The following CDKAL1 variants were observed in gnomAD, a reference collection of about 807,000 sequenced individuals.
CDKAL1 encodes CDKAL1 threonylcarbamoyladenosine tRNA methylthiotransferase.
In CDKAL1, 32 loss-of-function variants were observed where a neutral mutation model predicts 68.2. The observed-to-expected ratio is 0.47, with a 90% CI of 0.35 to 0.63. The LOEUF (loss-of-function observed/expected upper bound fraction) is 0.63. Ranked by LOEUF, CDKAL1 falls within the 30% of genes least tolerant of loss-of-function variation. CDKAL1 has a pLI of 0.00. For missense variants in CDKAL1, 606 were observed against 696.7 expected, an observed-to-expected ratio of 0.87 and a Z score of 1.47; for synonymous variants, 234 against 244.3, an observed-to-expected ratio of 0.96 and a Z score of 0.39.
At chr6:20,595,821 G>T (rs146326891) in intron 4 of CDKAL1, among the ~76,000 whole-genome samples, 1 of 152,108 alleles carries the variant, frequency 6.6e-6, no homozygotes, top group African/African-American at 2.4e-5. Flanking sequence ...TCTACCTTTG[G>T]TCTTTGATGT....
chr6:20,545,679 G>A (rs892610833), intron 2 of CDKAL1, among the ~76,000 whole-genome samples: 33 of 152,014 alleles, frequency 2.2e-4, no homozygotes, highest in South Asian at 2.1e-4. Flanking sequence ...CAAGTTATGC[G>A]CCCACCTCCC....
intron 9 of CDKAL1, among the ~76,000 whole-genome samples, chr6:20,891,066 A>C (rs1051919006): frequency 9.2e-5 from 14 of 152,190 alleles, no homozygotes; most frequent in African/African-American, 3.4e-4. Flanking sequence ...CCCTAGGCAC[A>C]AAAGTAGTAG....
intron 8 of CDKAL1, among the ~76,000 whole-genome samples, chr6:20,828,706 C>T (rs1464991056): frequency 1.3e-5 from 2 of 152,184 alleles, no homozygotes; most frequent in Non-Finnish European, 2.9e-5. Context: ...CTAAACATTA[C>T]GTAAAGTTGA....
At chr6:21,018,320 G>A (rs1010843525) in intron 11 of CDKAL1, among the ~76,000 whole-genome samples, 9 of 152,216 alleles carry the variant, frequency 5.9e-5, no homozygotes, top group Non-Finnish European at 1.0e-4. Flanking sequence ...AATGTATGCA[G>A]TCAGGCTTTG....
intron 7 of CDKAL1, among the ~76,000 whole-genome samples, chr6:20,761,958 T>A (rs1000290670): frequency 2.6e-5 from 4 of 152,156 alleles, no homozygotes; most frequent in Non-Finnish European, 4.4e-5. Context: ...TCATTGATTG[T>A]AACAAACGTA....
chr6:20,812,637 G>A (rs751089052), intron 8 of CDKAL1, among the ~76,000 whole-genome samples: 1 of 152,022 alleles, frequency 6.6e-6, no homozygotes, highest in Non-Finnish European at 1.5e-5. Context: ...TATCCAGTAC[G>A]TTCCCCTATT....
chr6:21,161,704 A>G (rs1776931927), intron 13 of CDKAL1, among the ~76,000 whole-genome samples: 1 of 152,238 alleles, frequency 6.6e-6, no homozygotes, highest in Admixed American at 6.5e-5. Context: ...CTGTAAAGCT[A>G]ACATATAAAC....
chr6:20,712,181 A>T (rs1771875634), intron 5 of CDKAL1, among the ~76,000 whole-genome samples: 1 of 152,180 alleles, frequency 6.6e-6, no homozygotes, highest in Non-Finnish European at 1.5e-5. Flanking sequence ...CCAGTAGGAG[A>T]TGCACAGAAA....
chr6:20,832,973 A>G lies in CDKAL1; in HGVS notation c.639-13102A>G, dbSNP rs374120970. Among the ~76,000 whole-genome samples, 247 of 152,236 alleles carry G rather than the reference A, an allele frequency of 1.6e-3. 8 individuals carry two copies. In the South Asian group the frequency reaches 0.048, roughly 30 times the overall value. ...TCAATCTCTAAAAGAAAAGGTCACT[A>G]TTTTAAAAGCAAAGCAGTATTTTCC... On this transcript the variant is annotated intron_variant, in intron 8 of 15. Coordinates refer to ENST00000274695, the MANE Select transcript of CDKAL1 (RefSeq NM_017774.3).
intron 2 of CDKAL1, among the ~76,000 whole-genome samples, chr6:20,544,582 C>T (rs912667170): frequency 4.8e-5 from 5 of 103,920 alleles, no homozygotes; most frequent in African/African-American, 1.7e-4. Context: ...GGCCACAGAG[C>T]GAAACTCCGT....
intron 10 of CDKAL1, among the ~76,000 whole-genome samples, chr6:20,974,878 C>T (rs913595162): frequency 6.9e-6 from 1 of 144,824 alleles, no homozygotes; most frequent in Non-Finnish European, 1.5e-5. Flanking sequence ...ACTCAGGAGG[C>T]TGAGGTGAAA....
chr6:21,207,114 T>C (rs927969983), intron 15 of CDKAL1, among the ~76,000 whole-genome samples: 6 of 152,124 alleles, frequency 3.9e-5, no homozygotes, highest in Non-Finnish European at 7.4e-5. Flanking sequence ...GGTTTCACCA[T>C]GTTGGCCAGG....
At chr6:20,622,993 GTATTTT>G (rs1276461580) in intron 4 of CDKAL1, among the ~76,000 whole-genome samples, 1 of 151,916 alleles carries the variant, frequency 6.6e-6, no homozygotes, top group Non-Finnish European at 1.5e-5. Flanking sequence ...TTTCAATAAA[GTATTTT>G]TATGTCTAAG....
chr6:20,835,958 C>G (rs1272067303), intron 8 of CDKAL1, among the ~76,000 whole-genome samples: 1 of 152,064 alleles, frequency 6.6e-6, no homozygotes, highest in Non-Finnish European at 1.5e-5. Context: ...TATGAGGGAG[C>G]CCTGCTTTGT....
At chr6:20,739,651 A>G (rs931255165) in intron 6 of CDKAL1, 36 bp downstream of exon 6, 1 of 1,156,556 alleles carries the variant, frequency 8.6e-7, no homozygotes, top group Non-Finnish European at 1.3e-6. Context: ...AGAAAATCTT[A>G]CATTGTTAAC....
intron 9 of CDKAL1, among the ~76,000 whole-genome samples, chr6:20,848,279 G>GGTTTT (rs1778451055): frequency 1.6e-5 from 1 of 62,286 alleles, no homozygotes; most frequent in African/African-American, 3.6e-5. Flanking sequence ...CTGGAAAGTT[G>GGTTTT]TTTTTTTTTT....
In CDKAL1 at chr6:20,918,067, C is replaced by T. The variant is rs528921849; in HGVS notation, c.743-37352C>T. 1.9e-4 allele frequency among the ~76,000 whole-genome samples: 29 copies of T among 152,254 alleles called. No homozygotes were observed. In the East Asian group the frequency reaches 4.1e-3, roughly 21 times the overall value. The stretch of plus-strand genomic sequence containing the variant: ...TGGAGGTTGCAGTGAGCTGAGATCA[C>T]GCCACTGCACTCCAGCCAGGGCGAC... On this transcript the variant is annotated intron_variant, in intron 9 of 15. Transcript: ENST00000274695.
intron 15 of CDKAL1, among the ~76,000 whole-genome samples, chr6:21,226,284 G>GT (rs57712859): frequency 3.4e-3 from 473 of 138,708 alleles, no homozygotes; most frequent in East Asian, 5.0e-3. Flanking sequence ...GAACATGAAA[G>GT]TTTTTTTTTT....
intron 8 of CDKAL1, among the ~76,000 whole-genome samples, chr6:20,832,483 AAAAAC>A (rs1476732756): frequency 2.0e-5 from 3 of 151,908 alleles, no homozygotes; most frequent in African/African-American, 7.3e-5. Context: ...AAAAAAAAAA[AAAAAC>A]AAAACACGTG....
Sources: allele counts gnomAD v4.1 joint callset (sites outside exome capture counted in the v4.1 genomes callset), GRCh38; gene constraint gnomAD v4.1.1; transcripts MANE v1.5; gene names NCBI Gene and HGNC (gene_info 2026-07-23, HGNC 2026-07-21).